The following SHISA9 variants were observed in gnomAD, a reference collection of about 807,000 sequenced individuals.
SHISA9 encodes the protein protein shisa-9.
A neutral mutation model predicts 38.0 loss-of-function variants in SHISA9; 13 were observed. The observed-to-expected ratio is 0.34, with a 90% CI of 0.22 to 0.54. The LOEUF (loss-of-function observed/expected upper bound fraction) is 0.54. Ranked by LOEUF, SHISA9 falls within the 20% of genes least tolerant of loss-of-function variation. The pLI, the probability that SHISA9 is intolerant of heterozygous loss-of-function variation, is 0.91. For synonymous variants in SHISA9, 275 were observed against 242.0 expected, an observed-to-expected ratio of 1.14 and a Z score of -1.27; for missense variants, 538 against 575.8, an observed-to-expected ratio of 0.93 and a Z score of 0.67.
At chr16:12,926,809 A>G (rs1324433080) in intron 2 of SHISA9, among the ~76,000 whole-genome samples, 2 of 152,152 alleles carry the variant, frequency 1.3e-5, no homozygotes, top group Admixed American at 1.3e-4. Flanking sequence ...AAAGCAGAAC[A>G]TTTTCATGGA....
chr16:13,299,235 G>A, the SHISA9 span, among the ~76,000 whole-genome samples: 1 of 152,168 alleles, frequency 6.6e-6, no homozygotes, highest in African/African-American at 2.4e-5. Context: ...ACACTCATTA[G>A]CGCTTCCCTT....
At chr16:13,198,599 C>G (rs1046864307) in intron 2 of SHISA9, among the ~76,000 whole-genome samples, 1 of 152,186 alleles carries the variant, frequency 6.6e-6, no homozygotes, top group Non-Finnish European at 1.5e-5. Context: ...TGTTTCTCCT[C>G]CCTAGCTGAA....
chr16:13,359,691 T>A, the SHISA9 span, among the ~76,000 whole-genome samples: 1 of 152,080 alleles, frequency 6.6e-6, no homozygotes, highest in African/African-American at 2.4e-5. Flanking sequence ...CATTTAAGGA[T>A]TTTTGTAAGA....
the SHISA9 span, among the ~76,000 whole-genome samples, chr16:13,425,287 GAC>G: frequency 6.6e-6 from 1 of 152,206 alleles, no homozygotes; most frequent in Non-Finnish European, 1.5e-5. Context: ...TGAGGTCTGA[GAC>G]CAGCCTTGCC....
intron 2 of SHISA9, among the ~76,000 whole-genome samples, chr16:12,972,041 TTGTG>T (rs72368949): frequency 0.093 from 13,266 of 141,916 alleles, 622 homozygotes; most frequent in East Asian, 0.13. Context: ...CTCTTGGAGT[TTGTG>T]TGTGTGTGTG....
the SHISA9 span, among the ~76,000 whole-genome samples, chr16:13,363,881 T>A: frequency 6.6e-6 from 1 of 152,170 alleles, no homozygotes; most frequent in African/African-American, 2.4e-5. Flanking sequence ...AGACCAGAAA[T>A]ATCAGCATGT....
At chr16:13,012,361 C>G (rs1050783676) in intron 2 of SHISA9, among the ~76,000 whole-genome samples, 2 of 152,004 alleles carry the variant, frequency 1.3e-5, no homozygotes, top group African/African-American at 4.8e-5. Context: ...GAGGAATCAG[C>G]CAGGGAATAT....
At chr16:13,213,803 G>A (rs939941739) in intron 4 of SHISA9, among the ~76,000 whole-genome samples, 2 of 152,166 alleles carry the variant, frequency 1.3e-5, no homozygotes, top group African/African-American at 4.8e-5. Context: ...GAAGTTGGTC[G>A]ACTTGAGTCT....
chr16:13,549,255 A>G, the SHISA9 span, among the ~76,000 whole-genome samples: 13 of 152,192 alleles, frequency 8.5e-5, no homozygotes, highest in Admixed American at 4.6e-4. Context: ...GTCAGTGGGT[A>G]CAAAGTTAGA....
chr16:13,011,459 C>T (rs768256016), intron 2 of SHISA9, among the ~76,000 whole-genome samples: 1 of 151,502 alleles, frequency 6.6e-6, no homozygotes, highest in African/African-American at 2.4e-5. Context: ...TATTTTGTGT[C>T]CTTTACCCAC....
chr16:13,540,777 T>C, the SHISA9 span, among the ~76,000 whole-genome samples: 1 of 152,200 alleles, frequency 6.6e-6, no homozygotes, highest in Non-Finnish European at 1.5e-5. Context: ...CAGTGCCTGG[T>C]TCAAGTAGAT....
the SHISA9 span, among the ~76,000 whole-genome samples, chr16:13,357,446 G>T: frequency 6.6e-6 from 1 of 152,200 alleles, no homozygotes; most frequent in Non-Finnish European, 1.5e-5. Flanking sequence ...AAATTGGTGA[G>T]ATGTTTCTTG....
At chr16:13,280,573 T>C in the SHISA9 span, among the ~76,000 whole-genome samples, 1 of 151,836 alleles carries the variant, frequency 6.6e-6, no homozygotes, top group African/African-American at 2.4e-5. Context: ...AAGTATATTG[T>C]TTATCATCCA....
the SHISA9 span, among the ~76,000 whole-genome samples, chr16:13,488,625 G>A: frequency 1.3e-5 from 2 of 152,200 alleles, no homozygotes; most frequent in Admixed American, 1.3e-4. Flanking sequence ...TTGTAGTCTA[G>A]GAGTAATAGG....
intron 2 of SHISA9, among the ~76,000 whole-genome samples, chr16:12,999,736 A>G (rs2072501155): frequency 6.6e-6 from 1 of 152,188 alleles, no homozygotes; most frequent in African/African-American, 2.4e-5. Context: ...GGGTATGCTG[A>G]CATGTAGTTT....
chr16:13,038,304 C>T lies in SHISA9; in HGVS notation c.691+121489C>T, dbSNP rs117162465. Among the ~76,000 whole-genome samples, 726 of 152,282 alleles carry T rather than the reference C, an allele frequency of 4.8e-3. 10 individuals carry two copies. Among genetic ancestry groups the T allele is most frequent in the South Asian group, 0.033 (160 of 4,826 alleles). On this transcript the variant is annotated intron_variant, in intron 2 of 4. Coordinates refer to ENST00000558583, the MANE Select transcript of SHISA9 (RefSeq NM_001145204.3). ...CATGCCCAACATCTGCTTAATTATT[C>T]TGCAGTTTACCTTCTTTTCTCCATC...
chr16:13,439,373 C>A, the SHISA9 span, among the ~76,000 whole-genome samples: 1 of 152,088 alleles, frequency 6.6e-6, no homozygotes, highest in African/African-American at 2.4e-5. Context: ...TCACCAAACA[C>A]ACACACACAC....
intron 4 of SHISA9, among the ~76,000 whole-genome samples, chr16:13,233,457 C>G (rs2051351594): frequency 6.6e-6 from 1 of 152,184 alleles, no homozygotes; most frequent in Non-Finnish European, 1.5e-5. Context: ...AATAATTCTA[C>G]TTTTTATAAT....
chr16:13,180,665 T>G (rs1398567961), intron 2 of SHISA9, among the ~76,000 whole-genome samples: 1 of 152,114 alleles, frequency 6.6e-6, no homozygotes, highest in Admixed American at 6.6e-5. Context: ...ATCACCGCAC[T>G]CCAGCCTAGG....
Sources: gnomAD v4.1 joint callset for allele counts (sites outside exome capture counted in the v4.1 genomes callset) on GRCh38, gnomAD v4.1.1 for gene constraint, MANE v1.5 for transcripts, NCBI Gene and HGNC (gene_info 2026-07-23, HGNC 2026-07-21) for gene names.